The following TMC7 variants were observed in gnomAD, a reference collection of about 807,000 sequenced individuals.
TMC7 encodes the protein transmembrane channel like 7.
A neutral mutation model predicts 82.9 loss-of-function variants in TMC7; 54 were observed. The observed-to-expected ratio is 0.65, with a 90% CI of 0.52 to 0.82. The LOEUF is 0.82. Among genes scored for constraint, TMC7 ranks in the 40% least tolerant of loss-of-function variants. TMC7 has a pLI of 0.00. For missense variants in TMC7, 820 were observed against 901.2 expected (o/e 0.91, Z 1.15); for synonymous variants, 350 against 337.9 (o/e 1.04, Z -0.39).
intron 1 of TMC7, among the ~76,000 whole-genome samples, chr16:19,001,820 A>G (rs934242154): frequency 6.6e-6 from 1 of 152,204 alleles, no homozygotes; most frequent in African/African-American, 2.4e-5. Flanking sequence ...TCTTCTCCAG[A>G]GTCCCAACCT....
At chr16:19,038,395 A>G (rs1421989528) in intron 8 of TMC7, among the ~76,000 whole-genome samples, 2 of 151,334 alleles carry the variant, frequency 1.3e-5, no homozygotes, top group African/African-American at 2.4e-5. Flanking sequence ...GGGTTTCTCC[A>G]TGTTGATCAG....
At chr16:19,015,881 A>G (rs1959663440) in intron 2 of TMC7, among the ~76,000 whole-genome samples, 1 of 151,902 alleles carries the variant, frequency 6.6e-6, no homozygotes, top group Admixed American at 6.6e-5. Context: ...CAGCCTCATG[A>G]CAAGTTTTTG....
In TMC7 at chr16:19,055,547, G is replaced by A. The variant is rs141611316; in HGVS notation, c.1872-995G>A. Among the ~76,000 whole-genome samples, 1,502 of 152,208 alleles carry A rather than the reference G, an allele frequency of 9.9e-3. 34 individuals are homozygous for A. Among genetic ancestry groups the A allele is most frequent in the African/African-American group, 0.034 (1,413 of 41,530 alleles). ...TAATTATTGTATTTTTAGTAGAGACGTGGTTTCACCACGTTGGCCAGGTTG... is the reference window on the plus strand; with the variant it reads ...TAATTATTGTATTTTTAGTAGAGACATGGTTTCACCACGTTGGCCAGGTTG... On this transcript the variant is annotated intron_variant, in intron 13 of 15. Coordinates refer to ENST00000304381, the MANE Select transcript of TMC7 (RefSeq NM_024847.4).
At chr16:19,059,895 T>G in intron 15 of TMC7, 1 of 469,060 alleles carries the variant, frequency 2.1e-6, no homozygotes, top group East Asian at 4.2e-5. Context: ...GAGAATCCCT[T>G]GAACTCAGGA....
chr16:19,049,571 C>T (rs187817141), intron 12 of TMC7: 77 of 940,108 alleles, frequency 8.2e-5, no homozygotes, highest in Admixed American at 2.5e-4. Flanking sequence ...GAGAGATGGA[C>T]GTGAGAAAGC....
At chr16:19,002,195 C>G (rs563133017) in intron 1 of TMC7, among the ~76,000 whole-genome samples, 1 of 150,794 alleles carries the variant, frequency 6.6e-6, no homozygotes, top group African/African-American at 2.4e-5. Context: ...TCTGCCACTG[C>G]TCATTCATTC....
chr16:19,001,612 G>C (rs372917922), intron 1 of TMC7, among the ~76,000 whole-genome samples: 1 of 152,194 alleles, frequency 6.6e-6, no homozygotes, highest in Non-Finnish European at 1.5e-5. Context: ...GAGCCTGGGA[G>C]ATCAAGGCTG....
chr16:18,985,051 G>A (rs1395325657), intron 1 of TMC7, among the ~76,000 whole-genome samples: 4 of 152,278 alleles, frequency 2.6e-5, no homozygotes, highest in Admixed American at 2.6e-4. Flanking sequence ...CACGAGGTCA[G>A]GAGTTCAAGA....
At chr16:19,015,914 C>A (rs986786592) in intron 2 of TMC7, among the ~76,000 whole-genome samples, 2 of 152,070 alleles carry the variant, frequency 1.3e-5, no homozygotes, top group Admixed American at 6.6e-5. Context: ...GTTTTCAATT[C>A]TTTGTATGTA....
chr16:19,009,332 G>A lies in TMC7; in HGVS notation c.228G>A (p.Gln76=). ...LLKPTDSYSS[Q]LEDRIAENLS... is the part of the protein sequence containing the mutation. The stretch of plus-strand genomic sequence containing the variant: ...AGCCAACCGACTCTTACAGCTCCCA[G>A]CTGGAGGACAGAATCGCTGAAAACC... The change falls in exon 2 of 16, where the codon CAG becomes CAA. Residue 76 remains glutamine (Q), a synonymous_variant. Transcript: ENST00000304381. The A allele has an allele frequency of 6.2e-7, 1 of 1,614,218 alleles. No homozygotes were observed.
chr16:19,007,708 A>T (rs144157218), intron 1 of TMC7, among the ~76,000 whole-genome samples: 1,920 of 152,060 alleles, frequency 0.013, 23 homozygotes, highest in Middle Eastern at 0.058. Flanking sequence ...AAAGAGAGAC[A>T]ATACCTGACC....
At chr16:18,984,321 C>T in intron 1 of TMC7, 191 bp downstream of exon 1, 1 of 1,306,140 alleles carries the variant, frequency 7.7e-7, no homozygotes, top group Non-Finnish European at 9.7e-7. Context: ...AACGCGTCCT[C>T]ATCCAATCCA....
intron 12 of TMC7, among the ~76,000 whole-genome samples, chr16:19,051,236 ATCTT>A (rs1961523031): frequency 1.4e-5 from 1 of 72,720 alleles, no homozygotes; most frequent in Non-Finnish European, 3.0e-5. Context: ...CTCCACCAAA[ATCTT>A]TTTTTTTTTT....
At chr16:19,006,964 G>A (rs932507714) in intron 1 of TMC7, among the ~76,000 whole-genome samples, 11 of 151,894 alleles carry the variant, frequency 7.2e-5, no homozygotes, top group African/African-American at 2.4e-4. Flanking sequence ...TTATAGGCGC[G>A]TGCCACCACG....
chr16:19,000,928 G>A (rs2039130786), intron 1 of TMC7, among the ~76,000 whole-genome samples: 2 of 152,132 alleles, frequency 1.3e-5, no homozygotes. Flanking sequence ...GCTGAGGCCA[G>A]AGGATTGCTT....
At chr16:18,997,708 A>C (rs546175051) in intron 1 of TMC7, among the ~76,000 whole-genome samples, 1 of 146,324 alleles carries the variant, frequency 6.8e-6, no homozygotes, top group Non-Finnish European at 1.5e-5. Context: ...ATCTGCAAAC[A>C]ACTCCTGTGC....
At chr16:19,045,496 TACACACACACAC>T in intron 11 of TMC7, 58 bp downstream of exon 11, 13 of 1,111,910 alleles carry the variant, frequency 1.2e-5, no homozygotes, top group Non-Finnish European at 1.8e-5. Flanking sequence ...CACACACACA[TACACACACACAC>T]AACTGGAGGG....
At chr16:18,995,676 G>A (rs1411137709) in intron 1 of TMC7, among the ~76,000 whole-genome samples, 1 of 152,202 alleles carries the variant, frequency 6.6e-6, no homozygotes, top group Admixed American at 6.5e-5. Context: ...CTAGAGATGT[G>A]GCTGGGGTTT....
intron 12 of TMC7, among the ~76,000 whole-genome samples, chr16:19,047,482 C>T (rs2142290792): frequency 6.6e-6 from 1 of 150,550 alleles, no homozygotes; most frequent in East Asian, 2.0e-4. Context: ...ACTGCAACCT[C>T]CCCCTCCTAA....
Sources: gnomAD v4.1 joint callset for allele counts (sites outside exome capture counted in the v4.1 genomes callset) on GRCh38, gnomAD v4.1.1 for gene constraint, MANE v1.5 for transcripts, NCBI Gene and HGNC (gene_info 2026-07-23, HGNC 2026-07-21) for gene names.